SRBD1: variants seen among roughly 807,000 people sequenced by gnomAD.
SRBD1 encodes the protein S1 RNA-binding domain-containing protein 1.
Under a neutral mutation model 115.3 loss-of-function variants are expected in SRBD1, and 88 were observed. That is an observed-to-expected ratio of 0.76 (90% CI 0.64 to 0.91). SRBD1 has a LOEUF of 0.91. Ranked by LOEUF, SRBD1 falls within the 40% of genes least tolerant of loss-of-function variation. The probability of loss-of-function intolerance (pLI) is 0.00; values close to 1 mark genes in which losing one functional copy is unlikely to be tolerated. For missense variants in SRBD1, 1,385 were observed against 1,177.4 expected (o/e 1.18, Z -2.58); for synonymous variants, 509 against 407.7 (o/e 1.25, Z -2.99).
intron 16 of SRBD1, among the ~76,000 whole-genome samples, chr2:45,445,602 T>C (rs1186566902): frequency 7.3e-6 from 1 of 136,800 alleles, no homozygotes; most frequent in Non-Finnish European, 1.6e-5. Context: ...TTAGTGTTAG[T>C]CAAGCCACGG....
At chr2:45,523,508 A>G (rs1671350904) in intron 14 of SRBD1, among the ~76,000 whole-genome samples, 1 of 151,960 alleles carries the variant, frequency 6.6e-6, no homozygotes, top group South Asian at 2.1e-4. Context: ...CTAGAAATGA[A>G]CAGGGGACAT....
At chr2:45,522,932 C>A (rs148367782) in intron 14 of SRBD1, among the ~76,000 whole-genome samples, 33 of 152,132 alleles carry the variant, frequency 2.2e-4, no homozygotes, top group African/African-American at 7.5e-4. Flanking sequence ...AAGTTATACA[C>A]AAATTTCTGA....
chr2:45,476,718 T>C (rs1669814036), intron 16 of SRBD1, among the ~76,000 whole-genome samples: 1 of 152,234 alleles, frequency 6.6e-6, no homozygotes, highest in Non-Finnish European at 1.5e-5. Flanking sequence ...AGAGGCTCTC[T>C]CTCCAAATTA....
intron 15 of SRBD1, among the ~76,000 whole-genome samples, chr2:45,485,024 T>A (rs770920906): frequency 2.0e-5 from 3 of 152,226 alleles, no homozygotes; most frequent in Non-Finnish European, 4.4e-5. Context: ...CTATTATAAA[T>A]AATGCTGCTA....
chr2:45,416,797 CAGAT>C (rs1667845425), intron 18 of SRBD1, among the ~76,000 whole-genome samples: 1 of 152,002 alleles, frequency 6.6e-6, no homozygotes, highest in East Asian at 1.9e-4. Context: ...GTTTTTGAGA[CAGAT>C]AGGATCTTGT....
chr2:45,537,016 C>T (rs1431886576), intron 14 of SRBD1, among the ~76,000 whole-genome samples: 1 of 152,140 alleles, frequency 6.6e-6, no homozygotes, highest in African/African-American at 2.4e-5. Flanking sequence ...GCATGAAATG[C>T]CCTCTATTTC....
At chr2:45,458,272 G>C (rs1669214480) in intron 16 of SRBD1, among the ~76,000 whole-genome samples, 1 of 152,028 alleles carries the variant, frequency 6.6e-6, no homozygotes, top group African/African-American at 2.4e-5. Context: ...AGCGTGATTA[G>C]AAAACATTTG....
intron 10 of SRBD1, among the ~76,000 whole-genome samples, chr2:45,558,688 T>A (rs1000666031): frequency 1.8e-4 from 26 of 141,594 alleles, no homozygotes; most frequent in East Asian, 1.0e-3. Context: ...CACAATTATT[T>A]TTTTTTTTTT....
intron 19 of SRBD1, among the ~76,000 whole-genome samples, chr2:45,408,271 C>T (rs986465935): frequency 6.6e-6 from 1 of 152,070 alleles, no homozygotes; most frequent in Non-Finnish European, 1.5e-5. Flanking sequence ...TTAAACTAAG[C>T]GTACTTGATA....
rs150601903 is a variant in SRBD1, at chr2:45,461,666, C to A, written c.2049+15327G>T. On this transcript the variant is annotated intron_variant, in intron 16 of 20. Transcript: ENST00000263736. ...ACCTCAGAGATTCAACTGCCCCCCCCAACTTTTAAATCTCAGAGATTCTCT... is the reference window on the plus strand; with the variant it reads ...ACCTCAGAGATTCAACTGCCCCCCCAAACTTTTAAATCTCAGAGATTCTCT... Among the ~76,000 whole-genome samples the A allele has an allele frequency of 3.7e-4, 57 of 152,258 alleles. No individual in the cohort carries two copies. The East Asian group carries it at 0.011, about 29-fold the overall frequency.
intron 20 of SRBD1, 137 bp from the exon 21 acceptor site, chr2:45,389,736 C>G: frequency 1.2e-6 from 1 of 825,298 alleles, no homozygotes; most frequent in Non-Finnish European, 1.8e-6. Context: ...AAAGGAGCTG[C>G]AGACCAACGC....
chr2:45,547,990 T>TTA (rs1490877464), intron 12 of SRBD1, among the ~76,000 whole-genome samples: 1 of 152,152 alleles, frequency 6.6e-6, no homozygotes, highest in Non-Finnish European at 1.5e-5. Context: ...ATACATGACT[T>TTA]TATTTACCTT....
At position 45,498,821 on chromosome 2, in the gene SRBD1, G is replaced by A. The variant is rs115204753; in HGVS notation, c.1875-10490C>T. 3.7e-3 allele frequency among the ~76,000 whole-genome samples: 557 copies of A among 152,090 alleles called. 10 individuals carry two copies. Among genetic ancestry groups the A allele is most frequent in the African/African-American group, 0.013 (529 of 41,486 alleles). ...CCATCCAGGCTGCTGCAAATGACAG[G>A]GTTTCATTCTTTTTTTATGGTTGAA... is the stretch of plus-strand genomic sequence containing the variant. On this transcript the variant is annotated intron_variant, in intron 14 of 20. Transcript: ENST00000263736.
intron 12 of SRBD1, among the ~76,000 whole-genome samples, chr2:45,548,717 CAA>C (rs60205757): frequency 7.1e-6 from 1 of 139,988 alleles, no homozygotes; most frequent in Admixed American, 7.1e-5. Flanking sequence ...TGAACAGATG[CAA>C]AAAAAAAAAA....
At position 45,477,078 on chromosome 2, in the gene SRBD1, G is replaced by GA. The variant is rs780170903; in HGVS notation, c.1967-4dup. 5 of 1,612,324 alleles carry GA rather than the reference G, an allele frequency of 3.1e-6. No homozygotes were observed. In the African/African-American group the frequency reaches 4.0e-5, roughly 13 times the overall value. The stretch of plus-strand genomic sequence containing the variant: ...TTGTACACGCCTTGCTATGGAAACT[G>GA]AAAAAACAGAATCAGAAAACAAGTA... On this transcript the variant is annotated splice_region_variant and splice_polypyrimidine_tract_variant and intron_variant, in intron 15 of 20. Coordinates refer to ENST00000263736, the MANE Select transcript of SRBD1 (RefSeq NM_018079.5).
chr2:45,553,680 T>C lies in SRBD1; in HGVS notation c.1460A>G (p.Asn487Ser), dbSNP rs1672375318. 6.2e-7 allele frequency: 1 copy of C among 1,608,104 alleles called. No homozygotes were observed. The highest frequency in any genetic ancestry group is 1.1e-5 in the South Asian group (1 of 89,866). The change falls in exon 11 of 21, where the codon AAT (asparagine) becomes AGT (serine). Residue 487 changes from asparagine (N) to serine (S), a missense_variant. Transcript: ENST00000263736. ...ARPELMKILY[N>S]SLNDSFKRLI... ...GCGTTTAAAGGAATCATTCAGTGAA[T>C]TATATAAGATCTTCATTAACTCTGG...
chr2:45,589,917 G>A (rs1673664878), intron 4 of SRBD1, among the ~76,000 whole-genome samples: 1 of 152,160 alleles, frequency 6.6e-6, no homozygotes, highest in Non-Finnish European at 1.5e-5. Flanking sequence ...TCAACATACA[G>A]TATGGTTCAT....
At chr2:45,470,720 C>T (rs922681232) in intron 16 of SRBD1, among the ~76,000 whole-genome samples, 4 of 152,206 alleles carry the variant, frequency 2.6e-5, no homozygotes, top group African/African-American at 9.6e-5. Flanking sequence ...CCTGCTCTCA[C>T]TCTGGAGTGT....
At chr2:45,542,705 T>A (rs779357145) in intron 14 of SRBD1, among the ~76,000 whole-genome samples, 3 of 152,224 alleles carry the variant, frequency 2.0e-5, no homozygotes, top group African/African-American at 4.8e-5. Context: ...CCTAGCTATT[T>A]ACCTAAGAGA....
Sources: allele counts gnomAD v4.1 joint callset (sites outside exome capture counted in the v4.1 genomes callset), GRCh38; gene constraint gnomAD v4.1.1; transcripts MANE v1.5; gene names NCBI Gene and HGNC (gene_info 2026-07-23, HGNC 2026-07-21).